Variants in ADGRL3 observed in about 807,000 individuals in gnomAD.
ADGRL3 encodes adhesion G protein-coupled receptor L3.
In ADGRL3, 62 loss-of-function variants were observed where a neutral mutation model predicts 153.5. The observed-to-expected ratio is 0.40, with a 90% confidence interval of 0.33 to 0.50. ADGRL3 has a LOEUF of 0.50. ADGRL3 is among the 20% of genes least tolerant of loss of function. ADGRL3 has a pLI of 0.47. For synonymous variants in ADGRL3, 710 were observed against 672.5 expected (o/e 1.06, Z -0.86); for missense variants, 1,641 against 1,859.4 (o/e 0.88, Z 2.16).
chr4:61,857,012 CT>C (rs1486788327), intron 9 of ADGRL3, among the ~76,000 whole-genome samples: 15 of 143,004 alleles, frequency 1.0e-4, no homozygotes, highest in African/African-American at 3.6e-4. Context: ...TTCTTTCTTT[CT>C]TTCCTTCCTC....
chr4:61,880,045 C>T (rs549673426), intron 9 of ADGRL3, among the ~76,000 whole-genome samples: 6 of 152,132 alleles, frequency 3.9e-5, no homozygotes, highest in African/African-American at 9.6e-5. Flanking sequence ...ATTTAAAAGG[C>T]GGTGGGTAGG....
At chr4:62,049,873 T>A (rs1733181641) in intron 25 of ADGRL3, among the ~76,000 whole-genome samples, 1 of 152,142 alleles carries the variant, frequency 6.6e-6, no homozygotes, top group African/African-American at 2.4e-5. Context: ...TAGTTGTCAC[T>A]TCAGAAGGTC....
chr4:61,337,429 A>G (rs2095702399), intron 1 of ADGRL3, among the ~76,000 whole-genome samples: 1 of 152,154 alleles, frequency 6.6e-6, no homozygotes, highest in Admixed American at 6.5e-5. Flanking sequence ...AGTTATGAAG[A>G]AATGCAACAT....
intron 6 of ADGRL3, among the ~76,000 whole-genome samples, chr4:61,688,965 A>G (rs1038701973): frequency 6.6e-6 from 1 of 152,012 alleles, no homozygotes; most frequent in Non-Finnish European, 1.5e-5. Flanking sequence ...TTATTTATTT[A>G]CTTTTATTTT....
At chr4:61,287,659 T>C (rs923152945) in intron 1 of ADGRL3, among the ~76,000 whole-genome samples, 1 of 151,890 alleles carries the variant, frequency 6.6e-6, no homozygotes, top group African/African-American at 2.4e-5. Context: ...TGCCTCCCTG[T>C]TGTGTTTTAT....
At chr4:62,003,845 G>A (rs1049612479) in intron 21 of ADGRL3, among the ~76,000 whole-genome samples, 1 of 152,016 alleles carries the variant, frequency 6.6e-6, no homozygotes, top group Non-Finnish European at 1.5e-5. Context: ...ATGCTCATTT[G>A]ATTAATAAAT....
intron 3 of ADGRL3, among the ~76,000 whole-genome samples, chr4:61,509,984 A>G (rs2100593): frequency 0.76 from 115,497 of 152,038 alleles, 44,223 homozygotes; most frequent in East Asian, 0.94. Flanking sequence ...ATGGTATCTC[A>G]TTGAGGTTTT....
intron 9 of ADGRL3, among the ~76,000 whole-genome samples, chr4:61,835,617 G>A (rs1024267365): frequency 6.6e-6 from 1 of 152,024 alleles, no homozygotes; most frequent in African/African-American, 2.4e-5. Flanking sequence ...AACCTCTCAG[G>A]TGCTTCAAAG....
At chr4:61,215,645 G>T in intron 1 of ADGRL3, among the ~76,000 whole-genome samples, 1 of 142,338 alleles carries the variant, frequency 7.0e-6, no homozygotes, top group African/African-American at 2.6e-5. Flanking sequence ...TCCGCCTCCC[G>T]GGTTCACGCC....
intron 19 of ADGRL3, among the ~76,000 whole-genome samples, chr4:61,993,869 T>G (rs928734967): frequency 6.6e-6 from 1 of 152,158 alleles, no homozygotes; most frequent in African/African-American, 2.4e-5. Flanking sequence ...AGCACTACAC[T>G]TCTGTTTCAT....
intron 2 of ADGRL3, among the ~76,000 whole-genome samples, chr4:61,471,206 A>G (rs1560690133): frequency 6.6e-6 from 1 of 151,802 alleles, no homozygotes; most frequent in Non-Finnish European, 1.5e-5. Flanking sequence ...TCTTTTTAGC[A>G]TGTGAATATT....
Position 61,969,747 on chromosome 4 carries a change from G to T in ADGRL3, c.2806-9816G>T, listed in dbSNP as rs377187221. On this transcript the variant is annotated intron_variant, in intron 17 of 26. Coordinates refer to ENST00000683033, the MANE Select transcript of ADGRL3 (RefSeq NM_001387552.1). ...AATCTAGAGTAATGCAACAGTGGAT[G>T]AACTGGTGTTAGGATCACAGATCTT... is the stretch of plus-strand genomic sequence containing the variant. Among the ~76,000 whole-genome samples the T allele has an allele frequency of 1.3e-3, 195 of 152,256 alleles. 1 individual carries two copies. The highest frequency in any genetic ancestry group is 4.5e-3 in the African/African-American group (189 of 41,562).
intron 8 of ADGRL3, among the ~76,000 whole-genome samples, chr4:61,734,705 A>T (rs4351047): frequency 2.6e-5 from 4 of 152,074 alleles, no homozygotes; most frequent in Non-Finnish European, 5.9e-5. Flanking sequence ...TCAACTAGCC[A>T]TAACAGTCTT....
chr4:61,705,599 G>A (rs2095844043), intron 6 of ADGRL3, among the ~76,000 whole-genome samples: 1 of 151,876 alleles, frequency 6.6e-6, no homozygotes, highest in Non-Finnish European at 1.5e-5. Context: ...CTGGGTTCAA[G>A]CAATGCTCAT....
chr4:61,501,751 T>C (rs2098389189), intron 3 of ADGRL3, among the ~76,000 whole-genome samples: 1 of 152,176 alleles, frequency 6.6e-6, no homozygotes, highest in African/African-American at 2.4e-5. Flanking sequence ...TTTAGGTTAG[T>C]TGAATAATCC....
At chr4:61,683,397 G>T (rs546605905) in intron 6 of ADGRL3, among the ~76,000 whole-genome samples, 17 of 152,220 alleles carry the variant, frequency 1.1e-4, no homozygotes, top group African/African-American at 4.1e-4. Flanking sequence ...CACGGACACT[G>T]GAGAGTGAGT....
chr4:61,958,377 GTTTCTTTCTTTCTTTCTTTCT>G (rs959278519), intron 17 of ADGRL3, among the ~76,000 whole-genome samples: 2 of 148,054 alleles, frequency 1.4e-5, no homozygotes, highest in Non-Finnish European at 3.0e-5. Flanking sequence ...TGTTGTAAAG[GTTTCTTTCTTTCTTTCTTTCT>G]TTCTTTCTTT....
At position 61,278,061 on chromosome 4, in the gene ADGRL3, A is replaced by C. The variant is rs1004036472; in HGVS notation, c.-240+76296A>C. Among the ~76,000 whole-genome samples the C allele has an allele frequency of 5.3e-5, 8 of 152,182 alleles. No individual in the cohort carries two copies. In the East Asian group the frequency reaches 1.4e-3, roughly 26 times the overall value. On this transcript the variant is annotated intron_variant, in intron 1 of 26. Transcript: ENST00000683033. ...GCTGGTCAGGAAATTAAGAGAACAG[A>C]TTAAAGTAAAATTGGGTAATGTTTC...
chr4:61,693,483 A>C (rs2095577745), intron 6 of ADGRL3, among the ~76,000 whole-genome samples: 1 of 152,162 alleles, frequency 6.6e-6, no homozygotes, highest in African/African-American at 2.4e-5. Context: ...GAAGTTTTAA[A>C]GTAGTAGAAT....
Sources: gnomAD v4.1 joint callset for allele counts (sites outside exome capture counted in the v4.1 genomes callset) on GRCh38, gnomAD v4.1.1 for gene constraint, MANE v1.5 for transcripts, NCBI Gene and HGNC (gene_info 2026-07-23, HGNC 2026-07-21) for gene names.